The following BAZ2B variants were observed in gnomAD, a reference collection of about 807,000 sequenced individuals.
The protein encoded by BAZ2B is bromodomain adjacent to zinc finger domain 2B.
BAZ2B carries 91 observed loss-of-function variants against 246.0 expected under a neutral mutation model. The ratio of observed to expected loss-of-function variants is 0.37; its 90% CI spans 0.31 to 0.44. The LOEUF (loss-of-function observed/expected upper bound fraction) is 0.44. BAZ2B is among the 20% of genes least tolerant of loss of function. The pLI is 1.00. For synonymous variants in BAZ2B, 855 were observed against 860.0 expected (o/e 0.99, Z 0.10); for missense variants, 2,332 against 2,533.7 (o/e 0.92, Z 1.71).
chr2:159,351,561 T>A (rs1012869480), intron 27 of BAZ2B, among the ~76,000 whole-genome samples: 1 of 152,174 alleles, frequency 6.6e-6, no homozygotes, highest in African/African-American at 2.4e-5. Context: ...TCTGGATGAA[T>A]ATATACTCAT....
intron 13 of BAZ2B, 75 bp from the exon 14 acceptor site, chr2:159,412,620 C>G: frequency 7.1e-7 from 1 of 1,400,940 alleles, no homozygotes; most frequent in South Asian, 1.4e-5. Context: ...TAAGAAAATT[C>G]TAGCTAAAAA....
At chr2:159,404,757 GTTAT>G in intron 16 of BAZ2B, 88 bp downstream of exon 16, 4 of 1,077,220 alleles carry the variant, frequency 3.7e-6, no homozygotes, top group Non-Finnish European at 5.3e-6. Flanking sequence ...GTGAAATATA[GTTAT>G]TTAAGAAATC....
intron 27 of BAZ2B, among the ~76,000 whole-genome samples, chr2:159,362,219 C>A (rs2059787258): frequency 6.6e-6 from 1 of 152,144 alleles, no homozygotes; most frequent in African/African-American, 2.4e-5. Context: ...TCTTCTTTCC[C>A]ACTTCCCTGA....
chr2:159,490,185 ATAAT>A (rs2080288230), intron 2 of BAZ2B, among the ~76,000 whole-genome samples: 2 of 152,344 alleles, frequency 1.3e-5, no homozygotes, highest in South Asian at 4.1e-4. Flanking sequence ...AAATTTACTT[ATAAT>A]TAATAATTCT....
chr2:159,700,249 C>T, the BAZ2B span, among the ~76,000 whole-genome samples: 2 of 152,136 alleles, frequency 1.3e-5, no homozygotes, highest in Non-Finnish European at 2.9e-5. Context: ...CCACAACCTC[C>T]AGCGGATATC....
chr2:159,532,741 T>C (rs895894890), intron 2 of BAZ2B, among the ~76,000 whole-genome samples: 1 of 152,196 alleles, frequency 6.6e-6, no homozygotes, highest in Admixed American at 6.5e-5. Flanking sequence ...TGGCACTCTC[T>C]GATAAAAGGA....
At chr2:159,405,163 T>A in intron 14 of BAZ2B, 49 bp from the exon 15 acceptor site, 1 of 1,481,602 alleles carries the variant, frequency 6.7e-7, no homozygotes, top group South Asian at 1.1e-5. Flanking sequence ...GTGTAACTAC[T>A]AACCAAAAAC....
chr2:159,342,331 A>T (rs2066876619), intron 31 of BAZ2B, among the ~76,000 whole-genome samples: 1 of 152,234 alleles, frequency 6.6e-6, no homozygotes, highest in African/African-American at 2.4e-5. Flanking sequence ...TGAAAAGTTC[A>T]TATAGAACCA....
At position 159,320,168 on chromosome 2, in the gene BAZ2B, T is replaced by TA. The variant is rs1350197118; in HGVS notation, c.*96dup. ...TATACTTAAGGAAAAAGAAAGTCAT[T>TA]ATGTATGTGCCTTGCACGTTTATGT... On this transcript the variant is annotated 3_prime_UTR_variant, in exon 37 of 37. Coordinates refer to ENST00000392783, the MANE Select transcript of BAZ2B (RefSeq NM_013450.4). 9.3e-7 allele frequency: 1 copy of TA among 1,073,422 alleles called. No homozygotes were observed. The highest frequency in any genetic ancestry group is 1.7e-5 in the African/African-American group (1 of 60,110). The allele number at this position is 1,073,422 out of a possible 1,614,324, so 66.5% of individuals were successfully genotyped here. A position where few individuals can be genotyped will look rare whatever the true frequency, so the allele number is the denominator to read the frequency against.
chr2:159,587,639 A>C (rs767871176), intron 1 of BAZ2B, among the ~76,000 whole-genome samples: 1 of 152,176 alleles, frequency 6.6e-6, no homozygotes, highest in African/African-American at 2.4e-5. Flanking sequence ...AAAGTTTAAC[A>C]ATCTGGTGAA....
chr2:159,449,186 C>A (rs962326832), intron 4 of BAZ2B, among the ~76,000 whole-genome samples: 2 of 152,066 alleles, frequency 1.3e-5, no homozygotes, highest in Non-Finnish European at 2.9e-5. Context: ...TAAATAGTGT[C>A]TCTTAAAGTT....
At position 159,407,605 on chromosome 2, in the gene BAZ2B, G is replaced by T. The variant is rs982031517; in HGVS notation, c.2678-2491C>A. Among the ~76,000 whole-genome samples the T allele has an allele frequency of 4.1e-4, 63 of 152,194 alleles. 1 individual carries two copies. Among genetic ancestry groups the T allele is most frequent in the Non-Finnish European group, 2.9e-5 (2 of 68,028 alleles). On this transcript the variant is annotated intron_variant, in intron 14 of 36. Coordinates refer to ENST00000392783, the MANE Select transcript of BAZ2B (RefSeq NM_013450.4). ...CCTCATAACAGCTGAAGTGAAGTTG[G>T]TCACTATGGCCAGTTTTCTATCACT...
At chr2:159,336,831 T>G in intron 33 of BAZ2B, 111 bp downstream of exon 33, 1 of 951,750 alleles carries the variant, frequency 1.1e-6, no homozygotes, top group East Asian at 2.8e-5. Context: ...CTCTCAAGTA[T>G]AGCATACATT....
At chr2:159,704,092 T>C in the BAZ2B span, among the ~76,000 whole-genome samples, 1 of 152,208 alleles carries the variant, frequency 6.6e-6, no homozygotes, top group African/African-American at 2.4e-5. Flanking sequence ...TTGGTATAAA[T>C]GGCATGCTTG....
chr2:159,351,463 C>G (rs951642792), intron 27 of BAZ2B, among the ~76,000 whole-genome samples: 1 of 151,938 alleles, frequency 6.6e-6, no homozygotes, highest in Admixed American at 6.6e-5. Context: ...TCCCAATTTA[C>G]TTCCTTAAAA....
chr2:159,703,768 G>A, the BAZ2B span, among the ~76,000 whole-genome samples: 1 of 152,064 alleles, frequency 6.6e-6, no homozygotes, highest in Non-Finnish European at 1.5e-5. Flanking sequence ...GGAAGGCTGA[G>A]GTGATAGGAT....
intron 2 of BAZ2B, among the ~76,000 whole-genome samples, chr2:159,487,518 C>G (rs1053916044): frequency 6.6e-6 from 1 of 152,124 alleles, no homozygotes; most frequent in Non-Finnish European, 1.5e-5. Flanking sequence ...TTTCACTGTT[C>G]CCTGGTCTTT....
intron 33 of BAZ2B, 137 bp downstream of exon 33, chr2:159,336,803 CTT>C: frequency 1.4e-6 from 1 of 725,320 alleles, no homozygotes; most frequent in Non-Finnish European, 2.0e-6. Flanking sequence ...TATCAAAAAT[CTT>C]TTAGAATTAG....
At chr2:159,377,841 ACT>A (rs2061582554) in intron 25 of BAZ2B, among the ~76,000 whole-genome samples, 2 of 150,930 alleles carry the variant, frequency 1.3e-5, no homozygotes, top group East Asian at 3.9e-4. Context: ...GAAGTGAAAT[ACT>A]ACCTTAAATG....
Sources: allele counts gnomAD v4.1 joint callset (sites outside exome capture counted in the v4.1 genomes callset), GRCh38; gene constraint gnomAD v4.1.1; transcripts MANE v1.5; gene names NCBI Gene and HGNC (gene_info 2026-07-23, HGNC 2026-07-21).